Variants in ITGA5 observed in about 807,000 individuals in gnomAD.
The protein encoded by ITGA5 is integrin alpha-5.
Under a neutral mutation model 146.3 loss-of-function variants are expected in ITGA5, and 55 were observed. That is an observed-to-expected ratio of 0.38 (90% CI 0.30 to 0.47). ITGA5 has a LOEUF of 0.47. Among genes scored for constraint, ITGA5 ranks in the 20% least tolerant of loss-of-function variants. ITGA5 has a pLI of 0.99. For missense variants in ITGA5, 1,131 were observed against 1,329.0 expected, an observed-to-expected ratio of 0.85 and a Z score of 2.32; for synonymous variants, 500 against 531.8, an observed-to-expected ratio of 0.94 and a Z score of 0.82.
At position 54,401,318 on chromosome 12, in the gene ITGA5, A is replaced by G. The variant is rs1955780969; in HGVS notation, c.2493+55T>C. ...CATGGGTTCCAGCCATCTGTCACTC[A>G]TATTAGCTCCTCCTTTCCCATCATT... On this transcript the variant is annotated intron_variant, in intron 24 of 29. Coordinates refer to ENST00000293379, the MANE Select transcript of ITGA5 (RefSeq NM_002205.5). This position sits in a 1 kb window ranked among gnomAD's most constrained non-coding sequence, Gnocchi z 5.0. 4 of 1,276,504 alleles carry G rather than the reference A, an allele frequency of 3.1e-6. No individual in the cohort carries two copies. Among genetic ancestry groups the G allele is most frequent in the Non-Finnish European group, 4.6e-6 (4 of 874,088 alleles). The allele number at this position is 1,276,504 out of a possible 1,614,324, so 79.1% of individuals were successfully genotyped here.
At chr12:54,411,160 C>A (rs11170893) in intron 2 of ITGA5, among the ~76,000 whole-genome samples, 43 of 152,320 alleles carry the variant, frequency 2.8e-4, no homozygotes, top group Non-Finnish European at 4.3e-4. Context: ...CCGTGCCCAG[C>A]CTGTCCAGTT....
Position 54,403,264 on chromosome 12 carries a change from C to T in ITGA5, c.1837G>A (p.Asp613Asn). 1 of 1,565,838 alleles carries T rather than the reference C, an allele frequency of 6.4e-7. No homozygotes were observed. Among genetic ancestry groups the T allele is most frequent in the South Asian group, 1.2e-5 (1 of 83,448 alleles). The change falls in exon 18 of 30, where the codon GAC becomes AAC. Residue 613 changes from aspartate (D) to asparagine (N), a missense_variant. Asp to Asn is a conservative substitution (Grantham distance 23, BLOSUM62 1). Coordinates refer to ENST00000293379, the MANE Select transcript of ITGA5 (RefSeq NM_002205.5). This position sits in a 1 kb window ranked among gnomAD's most constrained non-coding sequence, Gnocchi z 4.9. Reference sequence around the variant, plus strand: ...TGGCTGTCCACTGGGGCTTGGGGGTCCAAGGAGAAGTTGAGAGCGATGTGA... The same window carrying T: ...TGGCTGTCCACTGGGGCTTGGGGGTTCAAGGAGAAGTTGAGAGCGATGTGA... ...PIHIALNFSL[D>N]PQAPVDSHGL...
Position 54,410,331 on chromosome 12 carries a change from C to T in ITGA5, c.350-734G>A, listed in dbSNP as rs188656923. On this transcript the variant is annotated intron_variant, in intron 2 of 29. Transcript: ENST00000293379. ...TATACTTGGACTGTGTCTCTAACAC[C>T]ATCTTGTTCCACCTCCTTTTTTTTT... Among the ~76,000 whole-genome samples the T allele has an allele frequency of 1.3e-3, 183 of 141,172 alleles. 1 individual carries two copies. Among genetic ancestry groups the T allele is most frequent in the African/African-American group, 4.4e-3 (164 of 37,436 alleles). The allele number at this position is 141,172 out of a possible 152,430, so 92.6% of individuals were successfully genotyped here.
intron 19 of ITGA5, among the ~76,000 whole-genome samples, chr12:54,402,559 G>A (rs979884130): frequency 6.6e-6 from 1 of 151,980 alleles, no homozygotes. Context: ...AAATTAGCCC[G>A]GCATGGTGGC....
In ITGA5 at chr12:54,403,054, G is replaced by A. The variant is rs770413769; in HGVS notation, c.1915-4C>T. The stretch of plus-strand genomic sequence containing the variant: ...CACAGTCCAGCAAGATCTGAGCCTG[G>A]GGAGCAGGGCAGCCTTGAGAGGGGA... On this transcript the variant is annotated splice_polypyrimidine_tract_variant and splice_region_variant and intron_variant, in intron 18 of 29. Transcript: ENST00000293379. The surrounding 1 kb of genome is among the most constrained non-coding windows in gnomAD (Gnocchi z 4.9). 5.0e-6 allele frequency: 8 copies of A among 1,614,118 alleles called. No individual in the cohort carries two copies. The highest frequency in any genetic ancestry group is 6.8e-6 in the Non-Finnish European group (8 of 1,180,000).
chr12:54,404,850 C>G lies in ITGA5; in HGVS notation c.1270G>C (p.Val424Leu). ...GGGCCCCCAGGAAATACAAACACTA[C>G]TCCCTGCTGGGTCTCCCCACCAAAG... ...APFGGETQQGVVFVFPGGPGG... is the reference protein window; with the variant it reads ...APFGGETQQGLVFVFPGGPGG... Residue 424 changes from valine (V) to leucine (L), a missense_variant, in exon 13 of 30, where the codon GTA (valine) becomes CTA (leucine). Physicochemically the swap from Val to Leu is conservative, Grantham distance 32. This residue lies in a region of ITGA5 where 889 missense variants were observed against 1,021.5 expected (regional missense o/e 0.87). Transcript: ENST00000293379. The G allele has an allele frequency of 6.2e-7, 1 of 1,608,160 alleles. No homozygotes were observed. The highest frequency in any genetic ancestry group is 8.5e-7 in the Non-Finnish European group (1 of 1,177,702).
intron 29 of ITGA5, 78 bp from the exon 30 acceptor site, chr12:54,396,454 A>C (rs1252538280): frequency 7.5e-6 from 9 of 1,205,944 alleles, no homozygotes; most frequent in Non-Finnish European, 1.1e-5. Flanking sequence ...AGAAGTAATA[A>C]GGAGGACTCT....
At position 54,416,005 on chromosome 12, in the gene ITGA5, A is replaced by G. The variant is rs1302205509; in HGVS notation, c.218+2976T>C. Among the ~76,000 whole-genome samples the G allele has an allele frequency of 6.6e-6, 1 of 152,198 alleles. No homozygotes were observed. On this transcript the variant is annotated intron_variant, in intron 1 of 29. Coordinates refer to ENST00000293379, the MANE Select transcript of ITGA5 (RefSeq NM_002205.5). The surrounding 1 kb of genome is among the most constrained non-coding windows in gnomAD (Gnocchi z 4.1). ...ATTTCCCTTGAATGTTTCCTAAACT[A>G]ACTTCTGGTTCAAAATTTCTATGAC...
chr12:54,398,730 C>T (rs1380040017), intron 27 of ITGA5, 32 bp from the exon 28 acceptor site: 2 of 1,472,900 alleles, frequency 1.4e-6, no homozygotes, highest in Admixed American at 3.8e-5. Flanking sequence ...TTAGCACATC[C>T]TCTCTTGGGA....
Position 54,419,068 on chromosome 12 carries a change from A to G in ITGA5, c.131T>C (p.Leu44Ser). 6.3e-7 allele frequency: 1 copy of G among 1,582,984 alleles called. No homozygotes were observed. Among genetic ancestry groups the G allele is most frequent in the Non-Finnish European group, 8.6e-7 (1 of 1,168,548 alleles). The change falls in exon 1 of 30, where the codon TTA becomes TCA. Residue 44 changes from leucine (L) to serine (S), a missense_variant. Physicochemically the swap from Leu to Ser is moderately radical, Grantham distance 145 (BLOSUM62 -2). This residue lies in a region of ITGA5 where 175 missense variants were observed against 179.3 expected (regional missense o/e 0.98). Coordinates refer to ENST00000293379, the MANE Select transcript of ITGA5 (RefSeq NM_002205.5). ...GAGTACTGCTGGGGCCTCCGCGTCT[A>G]AGTTGAAGCCCCCGACCCTGGGTGG... ...PPPPRVGGFN[L>S]DAEAPAVLSG...
chr12:54,405,026 C>G, intron 12 of ITGA5, 132 bp from the exon 13 acceptor site: 10 of 1,199,584 alleles, frequency 8.3e-6, no homozygotes, highest in Non-Finnish European at 1.2e-5. Flanking sequence ...CTTCAAATCC[C>G]AAGACCCAGA....
chr12:54,413,917 T>C (rs529913764), intron 1 of ITGA5, among the ~76,000 whole-genome samples: 202 of 152,338 alleles, frequency 1.3e-3, no homozygotes, highest in African/African-American at 4.4e-3. Context: ...CTGCTGCCAA[T>C]TTCTCCAACA....
intron 19 of ITGA5, 76 bp from the exon 20 acceptor site, chr12:54,402,406 G>GT: frequency 7.2e-7 from 1 of 1,390,322 alleles, no homozygotes; most frequent in Non-Finnish European, 9.9e-7. Flanking sequence ...TATAAGAGTA[G>GT]TAATACGAGG....
At chr12:54,399,583 G>A in intron 27 of ITGA5, 62 bp downstream of exon 27, 1 of 1,152,876 alleles carries the variant, frequency 8.7e-7, no homozygotes, top group South Asian at 1.2e-5. Flanking sequence ...GTGGAGAAAG[G>A]GGTGGGTCAG....
In ITGA5 at chr12:54,405,175, C is replaced by T. The variant is rs752563644; in HGVS notation, c.1216G>A (p.Gly406Ser). ...AGCCCATGGTACTCACCATTGTAGC[C>T]ATCCTGGTCCAGGTCCCCCAGGGGG... ...LTPLGDLDQD[G>S]YNDVAIGAPF... is the part of the protein sequence containing the mutation. The change falls in exon 12 of 30, where the codon GGC (glycine) becomes AGC (serine). Residue 406 changes from glycine (G) to serine (S), a missense_variant. By Grantham distance (56) the Gly-to-Ser change is moderately conservative (BLOSUM62 0). Transcript: ENST00000293379. 2.8e-5 allele frequency: 44 copies of T among 1,599,822 alleles called. No homozygotes were observed. In the South Asian group the frequency reaches 4.8e-4, roughly 17 times the overall value.
At position 54,403,823 on chromosome 12, in the gene ITGA5, A is replaced by C. The variant is rs374968156; in HGVS notation, c.1622-44T>G. On this transcript the variant is annotated intron_variant, in intron 16 of 29. Transcript: ENST00000293379. The surrounding 1 kb of genome is among the most constrained non-coding windows in gnomAD (Gnocchi z 4.9). ...AAAGGGAAACTGCCTGTCTTTCCTC[A>C]TCTTTTCAGAGAGAAGAAATGTCCC... 1.2e-6 allele frequency: 2 copies of C among 1,610,548 alleles called. No individual in the cohort carries two copies. Among genetic ancestry groups the C allele is most frequent in the Non-Finnish European group, 1.7e-6 (2 of 1,177,076 alleles).
chr12:54,404,776 T>C lies in ITGA5; in HGVS notation c.1344A>G (p.Ala448=). The C allele has an allele frequency of 6.2e-7, 1 of 1,614,046 alleles. No homozygotes were observed. The highest frequency in any genetic ancestry group is 8.5e-7 in the Non-Finnish European group (1 of 1,179,936). ...CAAAGAAGTCTGGGGTGTGGCTGGCTGCCCACAGGGGCTGCAGAACCTGGG... is the reference window on the plus strand; with the variant it reads ...CAAAGAAGTCTGGGGTGTGGCTGGCCGCCCACAGGGGCTGCAGAACCTGGG... ...KPSQVLQPLW[A]ASHTPDFFGS... The change falls in exon 13 of 30, where the codon GCA becomes GCG. Residue 448 remains alanine (A), a synonymous_variant. Coordinates refer to ENST00000293379, the MANE Select transcript of ITGA5 (RefSeq NM_002205.5).
At chr12:54,407,619 G>C (rs1565642434) in intron 9 of ITGA5, 30 bp downstream of exon 9, 1 of 1,590,672 alleles carries the variant, frequency 6.3e-7, no homozygotes. Context: ...CAGGGGAGGA[G>C]AGGAAGTGAG....
intron 1 of ITGA5, among the ~76,000 whole-genome samples, chr12:54,414,941 GAGTTTGAGACC>G (rs1955989394): frequency 6.6e-6 from 1 of 152,070 alleles, no homozygotes; most frequent in Non-Finnish European, 1.5e-5. Context: ...CTGAGGTCGG[GAGTTTGAGACC>G]AGCTTGACCA....
Sources: allele counts gnomAD v4.1 joint callset (sites outside exome capture counted in the v4.1 genomes callset), GRCh38; gene constraint gnomAD v4.1.1; regional missense constraint gnomAD v4.1.1; non-coding constraint Gnocchi (gnomAD v3.1); transcripts MANE v1.5; gene names NCBI Gene and HGNC (gene_info 2026-07-23, HGNC 2026-07-21).